Variants in SLC16A1 observed in about 807,000 individuals in gnomAD.
The protein encoded by SLC16A1 is solute carrier family 16 member 1.
A neutral mutation model predicts 32.2 loss-of-function variants in SLC16A1; 11 were observed. The observed-to-expected ratio is 0.34, with a 90% CI of 0.21 to 0.56. The LOEUF (loss-of-function observed/expected upper bound fraction) is 0.56. SLC16A1 is among the 20% of genes least tolerant of loss of function. The pLI, the probability that SLC16A1 is intolerant of heterozygous loss-of-function variation, is 0.87. For synonymous variants in SLC16A1, 231 were observed against 226.8 expected, an observed-to-expected ratio of 1.02 and a Z score of -0.17; for missense variants, 435 against 615.0, an observed-to-expected ratio of 0.71 and a Z score of 3.10.
At chr1:112,924,090 G>A in intron 2 of SLC16A1, 1 of 1,309,874 alleles carries the variant, frequency 7.6e-7, no homozygotes, top group South Asian at 1.2e-5. Context: ...CATTGCCCTG[G>A]TAGAGAAGGC....
intron 2 of SLC16A1, among the ~76,000 whole-genome samples, chr1:112,926,676 C>A (rs1648950999): frequency 6.6e-6 from 1 of 152,066 alleles, no homozygotes; most frequent in Non-Finnish European, 1.5e-5. Context: ...GAGTTCAAGA[C>A]CAGCCTTGGC....
At chr1:112,952,487 T>C (rs1363008371) in intron 1 of SLC16A1, among the ~76,000 whole-genome samples, 2 of 152,162 alleles carry the variant, frequency 1.3e-5, no homozygotes, top group East Asian at 3.9e-4. Flanking sequence ...TAAAAACAAC[T>C]GAGGAATATT....
intron 1 of SLC16A1, among the ~76,000 whole-genome samples, chr1:112,946,758 G>A (rs1281025562): frequency 6.6e-6 from 1 of 152,120 alleles, no homozygotes; most frequent in Non-Finnish European, 1.5e-5. Context: ...TCGCCATGTT[G>A]GTCAGGCTAA....
rs1349134608 is a variant in SLC16A1 at position 112,923,620 on chromosome 1, TCC to T, written c.218-1489_218-1488del. ...GGGAACTCCCTGAAACCTGACAGTC[TCC>T]GGTTCCAGCTGGAGACGTCACTGAA... On this transcript the variant is annotated intron_variant, in intron 2 of 4. Coordinates refer to ENST00000369626, the MANE Select transcript of SLC16A1 (RefSeq NM_003051.4). The T allele has an allele frequency of 4.0e-5, 57 of 1,421,592 alleles. No homozygotes were observed. The Middle Eastern group carries it at 1.5e-3, about 39-fold the overall frequency. 88.1% of individuals were successfully genotyped at this position (1,421,592 alleles called of 1,614,324 possible). A position where few individuals can be genotyped will look rare whatever the true frequency, so the allele number is the denominator to read the frequency against.
intron 2 of SLC16A1, 93 bp downstream of exon 2, chr1:112,928,999 G>A: frequency 2.2e-6 from 2 of 906,784 alleles, no homozygotes; most frequent in Non-Finnish European, 3.4e-6. Flanking sequence ...ACATCTCACT[G>A]AATAAGACTT....
rs554620275 is a variant in SLC16A1, at chr1:112,915,349, T to C, written c.1229-1184A>G. 5.3e-5 allele frequency among the ~76,000 whole-genome samples: 8 copies of C among 152,190 alleles called. No individual in the cohort carries two copies. In the South Asian group the frequency reaches 1.7e-3, roughly 32 times the overall value. ...GGAATTAGATCCAGGCAGAGAACTG[T>C]AGTGCAAAGGCGCAATGGTAGGAGA... On this transcript the variant is annotated intron_variant, in intron 4 of 4. Coordinates refer to ENST00000369626, the MANE Select transcript of SLC16A1 (RefSeq NM_003051.4).
intron 1 of SLC16A1, among the ~76,000 whole-genome samples, chr1:112,949,108 G>A (rs1272610981): frequency 1.3e-5 from 2 of 151,946 alleles, no homozygotes; most frequent in Non-Finnish European, 1.5e-5. Flanking sequence ...CGCCTGCCTC[G>A]CACTCCCAAA....
intron 1 of SLC16A1, among the ~76,000 whole-genome samples, chr1:112,950,240 C>T (rs4301628): frequency 0.3 from 46,145 of 152,074 alleles, 7,832 homozygotes; most frequent in East Asian, 0.64. Flanking sequence ...ATTTCTCATA[C>T]AGGAACAGAA....
chr1:112,932,367 T>C (rs1462146457), intron 1 of SLC16A1, among the ~76,000 whole-genome samples: 1 of 152,108 alleles, frequency 6.6e-6, no homozygotes, highest in Non-Finnish European at 1.5e-5. Flanking sequence ...AGACCCTACC[T>C]CTACATAAAT....
At chr1:112,923,466 G>A in intron 2 of SLC16A1, 3 of 753,666 alleles carry the variant, frequency 4.0e-6, no homozygotes, top group Non-Finnish European at 7.2e-6. Flanking sequence ...GAGATGGGGC[G>A]CCGTAGTCAC....
intron 1 of SLC16A1, chr1:112,955,576 A>G (rs1570652494): frequency 6.6e-6 from 1 of 152,358 alleles, no homozygotes; most frequent in African/African-American, 2.4e-5. Context: ...TGGGGCGGAC[A>G]ATGTCACGAA....
At chr1:112,918,477 C>G (rs536635348) in intron 3 of SLC16A1, among the ~76,000 whole-genome samples, 2 of 152,030 alleles carry the variant, frequency 1.3e-5, no homozygotes, top group African/African-American at 2.4e-5. Context: ...ATCATTAAGT[C>G]GACAGTAGAG....
chr1:112,926,995 T>C (rs548026331), intron 2 of SLC16A1, among the ~76,000 whole-genome samples: 13 of 150,842 alleles, frequency 8.6e-5, no homozygotes, highest in African/African-American at 3.2e-4. Flanking sequence ...TAGCTGAGCA[T>C]AGTAGTAGGG....
At chr1:112,948,193 T>G (rs1397056065) in intron 1 of SLC16A1, among the ~76,000 whole-genome samples, 1 of 151,858 alleles carries the variant, frequency 6.6e-6, no homozygotes, top group Non-Finnish European at 1.5e-5. Flanking sequence ...TGTATTCCAG[T>G]TTGGGCAATG....
At chr1:112,915,403 C>G (rs1648466348) in intron 4 of SLC16A1, among the ~76,000 whole-genome samples, 1 of 152,088 alleles carries the variant, frequency 6.6e-6, no homozygotes, top group South Asian at 2.1e-4. Flanking sequence ...GAAAGAAGGG[C>G]CAGGTTGCTG....
In SLC16A1 at chr1:112,913,933, T is replaced by C. The variant is rs1648410612; in HGVS notation, c.1461A>G (p.Lys487=). The C allele has an allele frequency of 1.2e-6, 2 of 1,614,176 alleles. No homozygotes were observed. The highest frequency in any genetic ancestry group is 2.2e-5 in the South Asian group (2 of 91,080). ...CCTCCTTGGGCCCTCCATCTGTGTC[T>C]TTCTGGTCCGGAGATTCTGCTGCTT... The part of the protein sequence containing the change: ...VTKAAESPDQ[K]DTDGGPKEEE... The change falls in exon 5 of 5, where the codon AAA becomes AAG. Residue 487 remains lysine (K), a synonymous_variant. Transcript: ENST00000369626.
chr1:112,939,905 T>C (rs1043555664), intron 1 of SLC16A1, among the ~76,000 whole-genome samples: 1 of 152,026 alleles, frequency 6.6e-6, no homozygotes. Flanking sequence ...GCCCATCCCC[T>C]GGCACAAAAA....
intron 1 of SLC16A1, among the ~76,000 whole-genome samples, chr1:112,937,982 A>T (rs530062447): frequency 2.0e-5 from 3 of 152,296 alleles, no homozygotes; most frequent in Non-Finnish European, 4.4e-5. Flanking sequence ...GTGCTAGTAA[A>T]CTAATCTGGA....
intron 4 of SLC16A1, among the ~76,000 whole-genome samples, chr1:112,915,227 A>C (rs1648459890): frequency 6.6e-6 from 1 of 152,252 alleles, no homozygotes; most frequent in African/African-American, 2.4e-5. Flanking sequence ...AAGTACTACC[A>C]GGAGAGTTTG....
Sources: allele counts gnomAD v4.1 joint callset (sites outside exome capture counted in the v4.1 genomes callset), GRCh38; gene constraint gnomAD v4.1.1; transcripts MANE v1.5; gene names NCBI Gene and HGNC (gene_info 2026-07-23, HGNC 2026-07-21).